Variants in NTM observed in about 807,000 individuals in gnomAD.
NTM encodes the protein neurotrimin, also known as IgLON family member 2.
Under a neutral mutation model 42.1 loss-of-function variants are expected in NTM, and 13 were observed. That is an observed-to-expected ratio of 0.31 (90% CI 0.20 to 0.49). NTM has a LOEUF of 0.49. Ranked by LOEUF, NTM falls within the 20% of genes least tolerant of loss-of-function variation. The pLI is 0.99. For synonymous variants in NTM, 187 were observed against 179.2 expected (o/e 1.04, Z -0.35); for missense variants, 373 against 452.8 (o/e 0.82, Z 1.60).
At chr11:131,588,911 G>A (rs1033450650) in intron 1 of NTM, among the ~76,000 whole-genome samples, 3 of 152,302 alleles carry the variant, frequency 2.0e-5, no homozygotes, top group Non-Finnish European at 2.9e-5. Flanking sequence ...TTTTGAACAA[G>A]AGAAAGAAAG....
intron 1 of NTM, among the ~76,000 whole-genome samples, chr11:131,851,369 T>G (rs1314748429): frequency 6.6e-6 from 1 of 152,154 alleles, no homozygotes; most frequent in Non-Finnish European, 1.5e-5. Flanking sequence ...AATGATTCCC[T>G]GCTCATAAGT....
intron 3 of NTM, among the ~76,000 whole-genome samples, chr11:132,166,694 A>G (rs2075328887): frequency 6.6e-6 from 1 of 152,196 alleles, no homozygotes; most frequent in Admixed American, 6.5e-5. Context: ...ACTGTTCAAT[A>G]TGCTGCTTTT....
chr11:132,327,172 G>T (rs2095700740), intron 7 of NTM, among the ~76,000 whole-genome samples: 1 of 152,146 alleles, frequency 6.6e-6, no homozygotes, highest in Non-Finnish European at 1.5e-5. Flanking sequence ...TCCCTCACTG[G>T]GCTTCTGCAC....
At chr11:132,321,984 A>AT (rs1180744761) in intron 7 of NTM, among the ~76,000 whole-genome samples, 45 of 151,568 alleles carry the variant, frequency 3.0e-4, no homozygotes, top group African/African-American at 9.4e-4. Flanking sequence ...ATGCTGAGAG[A>AT]TTTTGTCACC....
chr11:131,729,473 C>T (rs536715839), intron 1 of NTM, among the ~76,000 whole-genome samples: 21 of 152,294 alleles, frequency 1.4e-4, no homozygotes, highest in African/African-American at 5.1e-4. Context: ...TTTTAAAGTG[C>T]ATAATATGAT....
intron 7 of NTM, among the ~76,000 whole-genome samples, chr11:132,329,483 G>A (rs542420024): frequency 2.0e-5 from 3 of 152,336 alleles, no homozygotes; most frequent in South Asian, 2.1e-4. Context: ...GTAGCAGCAC[G>A]GGTGTGGGTC....
intron 3 of NTM, among the ~76,000 whole-genome samples, chr11:132,156,065 A>G (rs938745972): frequency 6.6e-6 from 1 of 152,190 alleles, no homozygotes; most frequent in Non-Finnish European, 1.5e-5. Flanking sequence ...GAATGAAAAT[A>G]GCGATTCTGC....
intron 2 of NTM, among the ~76,000 whole-genome samples, chr11:132,054,209 T>A (rs1566039076): frequency 6.6e-6 from 1 of 152,152 alleles, no homozygotes; most frequent in African/African-American, 2.4e-5. Context: ...AGTGAGACTG[T>A]CTCAAAGAAA....
At chr11:131,694,973 G>A (rs900131745) in intron 1 of NTM, among the ~76,000 whole-genome samples, 7 of 152,162 alleles carry the variant, frequency 4.6e-5, no homozygotes, top group African/African-American at 9.7e-5. Flanking sequence ...GGGGCAGTCG[G>A]AGAGCCATGA....
intron 1 of NTM, among the ~76,000 whole-genome samples, chr11:131,485,556 G>A (rs1330522237): frequency 6.6e-6 from 1 of 152,196 alleles, no homozygotes; most frequent in Non-Finnish European, 1.5e-5. Context: ...GGCCACCAAG[G>A]CATGTCTATT....
At chr11:131,426,343 T>G (rs1267503032) in intron 1 of NTM, among the ~76,000 whole-genome samples, 1 of 151,846 alleles carries the variant, frequency 6.6e-6, no homozygotes, top group African/African-American at 2.4e-5. Flanking sequence ...TGCACAGGGG[T>G]TAAGAGCCAT....
chr11:132,324,565 A>C (rs1025595402), intron 7 of NTM, among the ~76,000 whole-genome samples: 25 of 151,244 alleles, frequency 1.7e-4, no homozygotes, highest in African/African-American at 5.9e-4. Flanking sequence ...CGTGGGTAGG[A>C]AGAATCAATA....
intron 1 of NTM, among the ~76,000 whole-genome samples, chr11:131,763,709 C>CTCT (rs2084620795): frequency 4.2e-5 from 3 of 71,378 alleles, no homozygotes; most frequent in African/African-American, 1.7e-4. Flanking sequence ...ATCTCTCTCT[C>CTCT]TTTTTTTTTT....
chr11:131,689,947 A>C (rs1021670158), intron 1 of NTM, among the ~76,000 whole-genome samples: 1 of 152,202 alleles, frequency 6.6e-6, no homozygotes, highest in Non-Finnish European at 1.5e-5. Context: ...ATATGATGAA[A>C]TTCTATGGGA....
intron 1 of NTM, among the ~76,000 whole-genome samples, chr11:131,730,740 A>C (rs2079565857): frequency 6.6e-6 from 1 of 151,882 alleles, no homozygotes; most frequent in Non-Finnish European, 1.5e-5. Flanking sequence ...GAAGAGAAGA[A>C]GACGAAGAAA....
At chr11:131,738,934 G>A (rs1196136866) in intron 1 of NTM, among the ~76,000 whole-genome samples, 1 of 152,216 alleles carries the variant, frequency 6.6e-6, no homozygotes, top group Non-Finnish European at 1.5e-5. Flanking sequence ...CAAAGCCCCA[G>A]AATGAGATTC....
At chr11:131,983,921 A>G (rs977810379) in intron 2 of NTM, among the ~76,000 whole-genome samples, 1 of 152,236 alleles carries the variant, frequency 6.6e-6, no homozygotes, top group Non-Finnish European at 1.5e-5. Flanking sequence ...AGAAGAATAC[A>G]TAAGGGAGAT....
chr11:131,804,330 A>T (rs1468241754), intron 1 of NTM, among the ~76,000 whole-genome samples: 3 of 152,166 alleles, frequency 2.0e-5, no homozygotes, highest in Non-Finnish European at 2.9e-5. Flanking sequence ...TTATTGAGGC[A>T]GGGGTGAGGG....
chr11:131,624,276 G>A (rs1477066973), intron 1 of NTM, among the ~76,000 whole-genome samples: 2 of 152,140 alleles, frequency 1.3e-5, no homozygotes, highest in African/African-American at 4.8e-5. Context: ...TGGCAACATG[G>A]CATCGTGTCT....
Sources: gnomAD v4.1 joint callset for allele counts (sites outside exome capture counted in the v4.1 genomes callset) on GRCh38, gnomAD v4.1.1 for gene constraint, MANE v1.5 for transcripts, NCBI Gene and HGNC (gene_info 2026-07-23, HGNC 2026-07-21) for gene names.